The following FSIP2 variants were observed in gnomAD, a reference collection of about 807,000 sequenced individuals.
The protein encoded by FSIP2 is fibrous sheath-interacting protein 2.
A neutral mutation model predicts 510.5 loss-of-function variants in FSIP2; 367 were observed. That is an observed-to-expected ratio of 0.72 (90% confidence interval 0.66 to 0.78). The LOEUF is 0.78. Among genes scored for constraint, FSIP2 ranks in the 30% least tolerant of loss-of-function variants. The pLI is 0.00. For synonymous variants in FSIP2, 2,601 were observed against 2,732.2 expected (o/e 0.95, Z 1.50); for missense variants, 7,594 against 7,901.7 (o/e 0.96, Z 1.48).
intron 13 of FSIP2, among the ~76,000 whole-genome samples, chr2:185,782,314 G>A (rs1392074938): frequency 6.6e-6 from 1 of 152,090 alleles, no homozygotes; most frequent in Non-Finnish European, 1.5e-5. Context: ...TATCAAGGAA[G>A]GCTTTCAAGA....
At position 185,803,870 on chromosome 2, in the gene FSIP2, T is replaced by A. The variant is rs1349070218; in HGVS notation, c.14564T>A (p.Ile4855Asn). The change falls in exon 17 of 23, where the codon ATT (isoleucine) becomes AAT (asparagine). Residue 4855 changes from isoleucine (I) to asparagine (N), a missense_variant. Ile to Asn is a moderately radical substitution (Grantham distance 149, BLOSUM62 -3). Coordinates refer to ENST00000424728, the MANE Select transcript of FSIP2 (RefSeq NM_173651.4). ...TATGGGAATAAAAAACAGAGTATGATTTCAGCAAAAGATATCCAGTCTATG... is the reference window on the plus strand; with the variant it reads ...TATGGGAATAAAAAACAGAGTATGAATTCAGCAAAAGATATCCAGTCTATG... ...IKYGNKKQSM[I>N]SAKDIQSMVD... 3 of 1,523,472 alleles carry A rather than the reference T, an allele frequency of 2.0e-6. No homozygotes were observed. The Admixed American group carries it at 6.0e-5, about 31-fold the overall frequency. 94.4% of individuals were successfully genotyped at this position (1,523,472 alleles called of 1,614,324 possible).
At chr2:185,745,805 A>G (rs1180332905) in intron 5 of FSIP2, among the ~76,000 whole-genome samples, 1 of 152,118 alleles carries the variant, frequency 6.6e-6, no homozygotes, top group African/African-American at 2.4e-5. Context: ...TAGATTCAAA[A>G]TCTTTCTATA....
At position 185,747,387 on chromosome 2, in the gene FSIP2, A is replaced by C. The variant is rs777048411; in HGVS notation, c.834A>C (p.Glu278Asp). The C allele has an allele frequency of 6.5e-7, 1 of 1,530,702 alleles. No homozygotes were observed. The highest frequency in any genetic ancestry group is 1.2e-5 in the South Asian group (1 of 83,926). 94.8% of individuals were successfully genotyped at this position (1,530,702 alleles called of 1,614,324 possible). The change falls in exon 7 of 23, where the codon GAA becomes GAC. Residue 278 changes from glutamate (E) to aspartate (D), a missense_variant. By Grantham distance (45) the Glu-to-Asp change is conservative (BLOSUM62 2). Transcript: ENST00000424728. ...EDVKREERIEEQQHRNREESD... is the reference protein window; with the variant it reads ...EDVKREERIEDQQHRNREESD... ...TTAAAAGAGAAGAGAGGATAGAAGA[A>C]CAACAGCATAGAAACAGAGAAGAGA... is the stretch of plus-strand genomic sequence containing the variant.
rs1353669708 is a variant in FSIP2, at chr2:185,743,264, G to A, written c.357G>A (p.Lys119=). 5 of 1,506,562 alleles carry A rather than the reference G, an allele frequency of 3.3e-6. No homozygotes were observed. The highest frequency in any genetic ancestry group is 2.3e-5 in the Admixed American group (1 of 43,428). 93.3% of individuals were successfully genotyped at this position (1,506,562 alleles called of 1,614,324 possible). Reference sequence around the variant, plus strand: ...GCAAAGATATTTTGAAGAGATTAAAGAAAGGTGGCTACATCACCAGCAATA... The same window carrying A: ...GCAAAGATATTTTGAAGAGATTAAAAAAAGGTGGCTACATCACCAGCAATA... The part of the protein sequence containing the change: ...YKRKDILKRL[K]KGGYITSNNK... The change falls in exon 3 of 23, where the codon AAG becomes AAA. Residue 119 remains lysine, a synonymous_variant. Transcript: ENST00000424728.
rs1693536390 is a variant in FSIP2 at position 185,805,226 on chromosome 2, A to G, written c.15920A>G (p.Asp5307Gly). ...DSKKNEMAELDIMGLALKLAN... is the reference protein window; with the variant it reads ...DSKKNEMAELGIMGLALKLAN... ...AAGAAAAATGAAATGGCAGAGCTAG[A>G]TATTATGGGCTTGGCTCTAAAACTT... Residue 5307 changes from aspartate (D) to glycine (G), a missense_variant, in exon 17 of 23, where the codon GAT becomes GGT. Transcript: ENST00000424728. 6 of 1,600,752 alleles carry G rather than the reference A, an allele frequency of 3.7e-6. No homozygotes were observed. The highest frequency in any genetic ancestry group is 1.1e-5 in the South Asian group (1 of 88,340).
rs777956855 is a variant in FSIP2 at position 185,807,103 on chromosome 2, T to C, written c.17797T>C (p.Ser5933Pro). The C allele has an allele frequency of 1.3e-6, 2 of 1,598,044 alleles. No homozygotes were observed. Among genetic ancestry groups the C allele is most frequent in the Non-Finnish European group, 1.7e-6 (2 of 1,174,580 alleles). Reference protein sequence around the residue: ...NILNDYGSQDSIWKNINSNGE... With the variant: ...NILNDYGSQDPIWKNINSNGE... ...TTTAAATGACTATGGATCTCAAGACTCTATTTGGAAGAATATAAACAGTAA... is the reference window on the plus strand; with the variant it reads ...TTTAAATGACTATGGATCTCAAGACCCTATTTGGAAGAATATAAACAGTAA... The change falls in exon 17 of 23, where the codon TCT (serine) becomes CCT (proline). Residue 5933 changes from serine to proline, a missense_variant. Ser to Pro is a moderately conservative substitution (Grantham distance 74, BLOSUM62 -1). Coordinates refer to ENST00000424728, the MANE Select transcript of FSIP2 (RefSeq NM_173651.4).
chr2:185,813,716 G>A lies in FSIP2; in HGVS notation c.19999G>A (p.Glu6667Lys). The change falls in exon 18 of 23, where the codon GAA becomes AAA. Residue 6667 changes from glutamate (E) to lysine (K), a missense_variant. Transcript: ENST00000424728. ...IKEERDSDED[E>K]VVLTQTFAKE... ...AGAGGAACGAGATTCTGATGAAGATGAAGTTGTTTTAACACAGACTTTTGC... is the reference window on the plus strand; with the variant it reads ...AGAGGAACGAGATTCTGATGAAGATAAAGTTGTTTTAACACAGACTTTTGC... 2 of 1,610,640 alleles carry A rather than the reference G, an allele frequency of 1.2e-6. No individual in the cohort carries two copies. The highest frequency in any genetic ancestry group is 1.7e-6 in the Non-Finnish European group (2 of 1,178,104).
At position 185,793,096 on chromosome 2, in the gene FSIP2, G is replaced by C; in HGVS notation, c.5960G>C (p.Gly1987Ala). Reference protein sequence around the residue: ...SCCSVDHTKSGKTNLCQLSLS... With the variant: ...SCCSVDHTKSAKTNLCQLSLS... ...TGCTCAGTAGATCATACCAAGTCAG[G>C]AAAGACCAACTTGTGCCAACTGTCT... The change falls in exon 16 of 23, where the codon GGA becomes GCA. Residue 1987 changes from glycine to alanine, a missense_variant. Physicochemically the swap from Gly to Ala is moderately conservative, Grantham distance 60. Coordinates refer to ENST00000424728, the MANE Select transcript of FSIP2 (RefSeq NM_173651.4). 6.5e-7 allele frequency: 1 copy of C among 1,534,322 alleles called. No individual in the cohort carries two copies. Among genetic ancestry groups the C allele is most frequent in the Non-Finnish European group, 8.7e-7 (1 of 1,145,712 alleles).
At chr2:185,754,063 G>T (rs1338025124) in intron 8 of FSIP2, among the ~76,000 whole-genome samples, 2 of 151,406 alleles carry the variant, frequency 1.3e-5, no homozygotes, top group Non-Finnish European at 3.0e-5. Flanking sequence ...AGACAGTCTT[G>T]CCTGTACTGC....
intron 9 of FSIP2, among the ~76,000 whole-genome samples, chr2:185,759,598 C>T (rs954421974): frequency 8.3e-5 from 8 of 96,608 alleles, no homozygotes; most frequent in African/African-American, 3.1e-4. Flanking sequence ...ATTATGATTA[C>T]TATATTATTA....
chr2:185,807,138 T>C lies in FSIP2; in HGVS notation c.17832T>C (p.Asn5944=), dbSNP rs1342066042. The C allele has an allele frequency of 6.2e-7, 1 of 1,601,486 alleles. No homozygotes were observed. Among genetic ancestry groups the C allele is most frequent in the African/African-American group, 1.3e-5 (1 of 74,146 alleles). The change falls in exon 17 of 23, where the codon AAT becomes AAC. Residue 5944 remains asparagine, a synonymous_variant. Transcript: ENST00000424728. ...AGAATATAAACAGTAATGGAGAAAATTTAGCAAGAAGACTAACTAGTGCAG... is the reference window on the plus strand; with the variant it reads ...AGAATATAAACAGTAATGGAGAAAACTTAGCAAGAAGACTAACTAGTGCAG... The part of the protein sequence containing the change: ...IWKNINSNGE[N]LARRLTSAVI...
At chr2:185,787,589 A>G (rs779498647) in intron 15 of FSIP2, among the ~76,000 whole-genome samples, 7 of 151,828 alleles carry the variant, frequency 4.6e-5, no homozygotes, top group Non-Finnish European at 8.9e-5. Flanking sequence ...CAACTTAAAA[A>G]TAGAGTACTA....
At chr2:185,816,368 A>G (rs1258470921) in intron 19 of FSIP2, among the ~76,000 whole-genome samples, 1 of 152,010 alleles carries the variant, frequency 6.6e-6, no homozygotes, top group African/African-American at 2.4e-5. Flanking sequence ...ATATTAGTGA[A>G]GTAAAAAGCA....
At chr2:185,741,740 G>C (rs1235051174) in intron 2 of FSIP2, among the ~76,000 whole-genome samples, 2 of 152,332 alleles carry the variant, frequency 1.3e-5, no homozygotes, top group East Asian at 1.9e-4. Flanking sequence ...AGGAATTAAA[G>C]TTTAATGTTA....
chr2:185,747,732 A>AT (rs1389065590), intron 7 of FSIP2, among the ~76,000 whole-genome samples: 1 of 151,858 alleles, frequency 6.6e-6, no homozygotes, highest in Non-Finnish European at 1.5e-5. Context: ...AGATTTCTCA[A>AT]TTTTTCCTCA....
At position 185,800,148 on chromosome 2, in the gene FSIP2, A is replaced by G; in HGVS notation, c.10842A>G (p.Val3614=). The G allele has an allele frequency of 4.6e-6, 7 of 1,533,830 alleles. No homozygotes were observed. The highest frequency in any genetic ancestry group is 6.1e-6 in the Non-Finnish European group (7 of 1,145,548). ...FQDLLVGVIH[V]LSKEIEVDYH... ...ATCTCTTAGTAGGAGTGATTCATGT[A>G]CTGTCCAAAGAAATAGAAGTAGATT... The change falls in exon 17 of 23, where the codon GTA becomes GTG. Residue 3614 remains valine (V), a synonymous_variant. Transcript: ENST00000424728.
Position 185,801,954 on chromosome 2 carries a change from T to C in FSIP2, c.12648T>C (p.Ser4216=). 6.6e-7 allele frequency: 1 copy of C among 1,522,546 alleles called. No homozygotes were observed. Among genetic ancestry groups the C allele is most frequent in the African/African-American group, 1.4e-5 (1 of 72,250 alleles). The allele number at this position is 1,522,546 out of a possible 1,614,324, so 94.3% of individuals were successfully genotyped here. The change falls in exon 17 of 23, where the codon TCT becomes TCC. Residue 4216 remains serine, a synonymous_variant. Transcript: ENST00000424728. Reference sequence around the variant, plus strand: ...AAAACCTCCAAAAGATGGTGGATTCTGTATATTGTAATATTTTGCAAATGT... The same window carrying C: ...AAAACCTCCAAAAGATGGTGGATTCCGTATATTGTAATATTTTGCAAATGT... ...TGKNLQKMVD[S]VYCNILQMSD... is the part of the protein sequence containing the mutation.
upstream of FSIP2, chr2:185,738,615 G>A (rs1406822208): frequency 2.0e-6 from 3 of 1,535,854 alleles, no homozygotes; most frequent in African/African-American, 2.7e-5. Context: ...AGGCGTGATG[G>A]TTTCAGAGAA....
chr2:185,780,178 G>C (rs1322867416), intron 13 of FSIP2, among the ~76,000 whole-genome samples: 1 of 151,862 alleles, frequency 6.6e-6, no homozygotes, highest in South Asian at 2.1e-4. Context: ...CTGTTTTTAA[G>C]ATGTTTTCTT....
Sources: gnomAD v4.1 joint callset for allele counts (sites outside exome capture counted in the v4.1 genomes callset) on GRCh38, gnomAD v4.1.1 for gene constraint, MANE v1.5 for transcripts, NCBI Gene and HGNC (gene_info 2026-07-23, HGNC 2026-07-21) for gene names.